The following RAPGEF5 variants were observed in gnomAD, a reference collection of about 807,000 sequenced individuals.
RAPGEF5 encodes the protein Rap guanine nucleotide exchange factor 5.
Under a neutral mutation model 125.2 loss-of-function variants are expected in RAPGEF5, and 65 were observed. The observed-to-expected ratio is 0.52, with a 90% CI of 0.43 to 0.64. The LOEUF (loss-of-function observed/expected upper bound fraction) is 0.64. Among genes scored for constraint, RAPGEF5 ranks in the 30% least tolerant of loss-of-function variants. The pLI, the probability that RAPGEF5 is intolerant of heterozygous loss-of-function variation, is 0.00. For synonymous variants in RAPGEF5, 391 were observed against 385.9 expected (o/e 1.01, Z -0.16); for missense variants, 958 against 1,048.1 (o/e 0.91, Z 1.19).
chr7:22,121,385 TAG>T lies in RAPGEF5; in HGVS notation c.*1019_*1020del, dbSNP rs1782578821. 2.0e-5 allele frequency: 3 copies of T among 152,196 alleles called. No homozygotes were observed. The highest frequency in any genetic ancestry group is 2.4e-5 in the African/African-American group (1 of 41,438). The allele number at this position is 152,196 out of a possible 1,614,324, so 9.4% of individuals were successfully genotyped here. ...TAGTAATTACCACTATCTTATTACC[TAG>T]AGAGTGCTAAGTGCTTCACTCATTA... On this transcript the variant is annotated 3_prime_UTR_variant, in exon 26 of 26. Coordinates refer to ENST00000665637, the MANE Select transcript of RAPGEF5 (RefSeq NM_012294.5).
At chr7:22,231,766 A>G (rs1023160891) in intron 7 of RAPGEF5, among the ~76,000 whole-genome samples, 4 of 152,194 alleles carry the variant, frequency 2.6e-5, no homozygotes, top group Non-Finnish European at 4.4e-5. Flanking sequence ...TTTAACAAAT[A>G]TTTACGGAGC....
intron 5 of RAPGEF5, among the ~76,000 whole-genome samples, chr7:22,306,152 T>C (rs1018013298): frequency 1.3e-5 from 2 of 152,228 alleles, no homozygotes; most frequent in African/African-American, 4.8e-5. Context: ...TTGTACTAAT[T>C]TACATTCCCA....
intron 9 of RAPGEF5, among the ~76,000 whole-genome samples, chr7:22,214,515 T>C (rs560378099): frequency 6.6e-6 from 1 of 152,310 alleles, no homozygotes; most frequent in Admixed American, 6.5e-5. Context: ...AAAATACAGG[T>C]TCAGTTTTCT....
At chr7:22,123,117 G>A (rs545657337) in intron 25 of RAPGEF5, among the ~76,000 whole-genome samples, 5 of 152,276 alleles carry the variant, frequency 3.3e-5, no homozygotes, top group African/African-American at 9.6e-5. Flanking sequence ...GTTAACAGAC[G>A]AAATAGCTTC....
At chr7:22,235,503 T>C (rs1373837027) in intron 7 of RAPGEF5, among the ~76,000 whole-genome samples, 2 of 152,182 alleles carry the variant, frequency 1.3e-5, no homozygotes, top group African/African-American at 2.4e-5. Context: ...TAGAACAGAA[T>C]ATCATAGGAA....
intron 23 of RAPGEF5, among the ~76,000 whole-genome samples, chr7:22,135,581 A>T (rs1004116640): frequency 6.6e-6 from 1 of 152,184 alleles, no homozygotes; most frequent in Admixed American, 6.5e-5. Flanking sequence ...CACTTTTCGA[A>T]AGCTATATTA....
At chr7:22,203,790 C>T (rs997937053) in intron 9 of RAPGEF5, among the ~76,000 whole-genome samples, 2 of 152,156 alleles carry the variant, frequency 1.3e-5, no homozygotes, top group Non-Finnish European at 2.9e-5. Context: ...TCCCTGAAAC[C>T]AAGCAGCCTG....
intron 11 of RAPGEF5, among the ~76,000 whole-genome samples, chr7:22,174,245 T>C (rs1344227321): frequency 6.6e-6 from 1 of 152,122 alleles, no homozygotes; most frequent in Non-Finnish European, 1.5e-5. Flanking sequence ...TTGAGAACTA[T>C]GAATTTCCAA....
At chr7:22,287,747 G>T (rs1251306289) in intron 6 of RAPGEF5, among the ~76,000 whole-genome samples, 1 of 152,130 alleles carries the variant, frequency 6.6e-6, no homozygotes. Flanking sequence ...ATATGCCATT[G>T]TCAACAGGAA....
intron 11 of RAPGEF5, among the ~76,000 whole-genome samples, chr7:22,179,782 C>G (rs1371198705): frequency 2.6e-5 from 4 of 152,208 alleles, no homozygotes; most frequent in Non-Finnish European, 4.4e-5. Flanking sequence ...CTAAAAGACA[C>G]TCCCACCAGC....
At chr7:22,245,901 G>T (rs941610049) in intron 7 of RAPGEF5, among the ~76,000 whole-genome samples, 1 of 152,096 alleles carries the variant, frequency 6.6e-6, no homozygotes, top group African/African-American at 2.4e-5. Flanking sequence ...CAAAATTGAT[G>T]TACATAAAAC....
At chr7:22,288,564 C>T (rs1398347489) in intron 6 of RAPGEF5, among the ~76,000 whole-genome samples, 2 of 151,482 alleles carry the variant, frequency 1.3e-5, no homozygotes, top group Admixed American at 6.6e-5. Context: ...GCTCTTTCGC[C>T]CAGGCCAGAC....
intron 6 of RAPGEF5, among the ~76,000 whole-genome samples, chr7:22,290,912 T>TA (rs1419061127): frequency 6.6e-6 from 1 of 152,072 alleles, no homozygotes; most frequent in Non-Finnish European, 1.5e-5. Flanking sequence ...ATACTGTATT[T>TA]AAAAAATCAG....
intron 13 of RAPGEF5, 49 bp downstream of exon 13, chr7:22,162,348 A>G: frequency 6.7e-7 from 1 of 1,499,438 alleles, no homozygotes; most frequent in South Asian, 1.2e-5. Flanking sequence ...ATAACTAAAA[A>G]TAGAATCAGT....
At chr7:22,156,759 T>G (rs1273703850) in intron 16 of RAPGEF5, 51 bp downstream of exon 16, 19 of 1,608,968 alleles carry the variant, frequency 1.2e-5, no homozygotes, top group Non-Finnish European at 1.5e-5. Flanking sequence ...AGGAGAAAAA[T>G]GGTGGCTAAC....
At chr7:22,147,133 G>A in intron 18 of RAPGEF5, 114 bp from the exon 19 acceptor site, 1 of 1,328,292 alleles carries the variant, frequency 7.5e-7, no homozygotes, top group Non-Finnish European at 1.0e-6. Context: ...TTTTCTGAGT[G>A]CACTTAATAT....
intron 18 of RAPGEF5, among the ~76,000 whole-genome samples, chr7:22,150,120 C>G (rs1783577073): frequency 7.0e-6 from 1 of 142,088 alleles, no homozygotes; most frequent in Admixed American, 7.2e-5. Context: ...TACCCTATCA[C>G]CTGGGCTGGA....
At chr7:22,294,448 A>G (rs1783005790) in intron 5 of RAPGEF5, among the ~76,000 whole-genome samples, 1 of 152,176 alleles carries the variant, frequency 6.6e-6, no homozygotes, top group African/African-American at 2.4e-5. Context: ...AGAGGTCTGC[A>G]ATATCTAAGG....
At chr7:22,179,711 C>G (rs1784616099) in intron 11 of RAPGEF5, among the ~76,000 whole-genome samples, 1 of 152,166 alleles carries the variant, frequency 6.6e-6, no homozygotes, top group African/African-American at 2.4e-5. Flanking sequence ...AAGATAGTGA[C>G]AAATGTGACC....
Sources: allele counts gnomAD v4.1 joint callset (sites outside exome capture counted in the v4.1 genomes callset), GRCh38; gene constraint gnomAD v4.1.1; transcripts MANE v1.5; gene names NCBI Gene and HGNC (gene_info 2026-07-23, HGNC 2026-07-21).